Variants in SIN3A observed in about 807,000 individuals in gnomAD.
The protein encoded by SIN3A is SIN3 transcription regulator family member A.
Under a neutral mutation model 146.1 loss-of-function variants are expected in SIN3A, and 14 were observed. That is an observed-to-expected ratio of 0.10 (90% CI 0.06 to 0.15). SIN3A has a LOEUF of 0.15. SIN3A is among the 10% of genes least tolerant of loss of function. The pLI is 1.00. For synonymous variants in SIN3A, 572 were observed against 572.0 expected (o/e 1.00, Z 0.00); for missense variants, 1,028 against 1,576.0 (o/e 0.65, Z 5.89).
chr15:75,413,181 T>C (rs1424473355), intron 4 of SIN3A, 136 bp from the exon 5 acceptor site: 7 of 785,898 alleles, frequency 8.9e-6, no homozygotes, highest in Non-Finnish European at 1.3e-5. Flanking sequence ...GGTGCAATCT[T>C]GGGGTCTTGG....
upstream of SIN3A, chr15:75,453,255 A>T (rs1275541822): frequency 1.3e-5 from 2 of 152,452 alleles, no homozygotes; most frequent in African/African-American, 4.8e-5. Context: ...GAGCCGCGAA[A>T]CCACAGCAGC....
rs369396162 is a variant in SIN3A, at chr15:75,392,754, G to A, written c.2339C>T (p.Ala780Val). The A allele has an allele frequency of 1.7e-5, 28 of 1,614,002 alleles. No individual in the cohort carries two copies. The highest frequency in any genetic ancestry group is 1.2e-4 in the African/African-American group (9 of 75,024). ...TTCCAGTATTTGTTTGTCTTCATAC[G>A]CAAGTGAGAGGTGTGGGCCAACAGG... Reference protein sequence around the residue: ...GVPVGPHLSLAYEDKQILEDA... With the variant: ...GVPVGPHLSLVYEDKQILEDA... The change falls in exon 15 of 21, where the codon GCG (alanine) becomes GTG (valine). Residue 780 changes from alanine to valine, a missense_variant. Transcript: ENST00000394947.
chr15:75,380,859 A>G, intron 18 of SIN3A, 136 bp from the exon 19 acceptor site: 1 of 647,020 alleles, frequency 1.5e-6, no homozygotes, highest in Admixed American at 2.3e-5. Flanking sequence ...CCCTTTCTAT[A>G]AAGACATGAT....
chr15:75,376,843 G>C (rs1204581131), intron 19 of SIN3A, among the ~76,000 whole-genome samples: 1 of 137,344 alleles, frequency 7.3e-6, no homozygotes, highest in Non-Finnish European at 1.5e-5. Context: ...CTGGGACACA[G>C]AGCCAGACAC....
intron 17 of SIN3A, among the ~76,000 whole-genome samples, chr15:75,383,002 G>C (rs2073003339): frequency 6.6e-6 from 1 of 151,998 alleles, no homozygotes; most frequent in Admixed American, 6.5e-5. Flanking sequence ...CAGGAGAACT[G>C]CTTGAACCCA....
chr15:75,437,096 AC>A (rs1422834854), intron 1 of SIN3A, among the ~76,000 whole-genome samples: 2 of 151,996 alleles, frequency 1.3e-5, no homozygotes, highest in Non-Finnish European at 2.9e-5. Context: ...CTCCCCGACA[AC>A]AGCCAAGTCT....
At chr15:75,433,582 T>C (rs2074051867) in intron 1 of SIN3A, among the ~76,000 whole-genome samples, 1 of 151,646 alleles carries the variant, frequency 6.6e-6, no homozygotes, top group Non-Finnish European at 1.5e-5. Context: ...AGGCCGGGCG[T>C]GGTGGCTCAC....
intron 9 of SIN3A, among the ~76,000 whole-genome samples, chr15:75,402,713 C>A (rs1232430293): frequency 6.6e-6 from 1 of 152,104 alleles, no homozygotes; most frequent in East Asian, 1.9e-4. Flanking sequence ...CAGCTCACTG[C>A]AACCTCTGCC....
At chr15:75,414,917 T>C (rs2073705512) in intron 3 of SIN3A, among the ~76,000 whole-genome samples, 1 of 152,170 alleles carries the variant, frequency 6.6e-6, no homozygotes, top group Admixed American at 6.6e-5. Flanking sequence ...ATGGGATATT[T>C]AGAAATCTGA....
At chr15:75,423,699 T>A (rs189361949) in intron 2 of SIN3A, among the ~76,000 whole-genome samples, 16 of 151,460 alleles carry the variant, frequency 1.1e-4, no homozygotes, top group African/African-American at 1.7e-4. Flanking sequence ...AACAAAAAAA[T>A]ATATATATAG....
At chr15:75,450,757 C>G (rs1040176432) in intron 1 of SIN3A, among the ~76,000 whole-genome samples, 4 of 152,262 alleles carry the variant, frequency 2.6e-5, no homozygotes, top group African/African-American at 9.6e-5. Flanking sequence ...GTGCCCCTCC[C>G]TCCCCACGGA....
chr15:75,407,358 G>C (rs56105324), intron 8 of SIN3A, among the ~76,000 whole-genome samples: 3,687 of 152,112 alleles, frequency 0.024, 160 homozygotes, highest in African/African-American at 0.085. Context: ...CTACAACAGA[G>C]GTTCAAAGAT....
At chr15:75,380,881 A>G in intron 18 of SIN3A, 158 bp from the exon 19 acceptor site, 1 of 583,822 alleles carries the variant, frequency 1.7e-6, no homozygotes, top group Non-Finnish European at 3.1e-6. Flanking sequence ...GTTAGTAGGT[A>G]TTGGAACACG....
At chr15:75,431,871 G>T (rs1403657025) in intron 1 of SIN3A, among the ~76,000 whole-genome samples, 2 of 152,128 alleles carry the variant, frequency 1.3e-5, no homozygotes, top group Non-Finnish European at 2.9e-5. Flanking sequence ...ACATACCTAA[G>T]TGGGACCCTG....
chr15:75,404,902 C>T (rs912045600), intron 9 of SIN3A, among the ~76,000 whole-genome samples: 3 of 151,502 alleles, frequency 2.0e-5, no homozygotes, highest in Non-Finnish European at 4.4e-5. Context: ...AAGGCAAATG[C>T]TGAGGCCGAA....
intron 9 of SIN3A, among the ~76,000 whole-genome samples, chr15:75,403,970 T>C (rs1024508437): frequency 1.3e-5 from 2 of 152,230 alleles, no homozygotes; most frequent in Admixed American, 6.5e-5. Context: ...TCTTCCTCTA[T>C]TTACAATATT....
chr15:75,409,300 T>A (rs2073581300), intron 8 of SIN3A, among the ~76,000 whole-genome samples: 1 of 152,028 alleles, frequency 6.6e-6, no homozygotes, highest in Non-Finnish European at 1.5e-5. Context: ...GGAGAGATAA[T>A]AAAGAACTCA....
intron 6 of SIN3A, 70 bp from the exon 7 acceptor site, chr15:75,410,356 T>C: frequency 1.4e-6 from 2 of 1,445,708 alleles, no homozygotes; most frequent in Non-Finnish European, 1.9e-6. Flanking sequence ...GCACGCTTTC[T>C]GGAATCACTG....
At chr15:75,454,677 A>ACGCCCG (rs1228850200), upstream of SIN3A, among the ~76,000 whole-genome samples, 3 of 149,524 alleles carry the variant, frequency 2.0e-5, no homozygotes, top group Admixed American at 6.6e-5. Context: ...GGGCGCGCAC[A>ACGCCCG]CGCCCGCGCC....
Sources: allele counts gnomAD v4.1 joint callset (sites outside exome capture counted in the v4.1 genomes callset), GRCh38; gene constraint gnomAD v4.1.1; transcripts MANE v1.5; gene names NCBI Gene and HGNC (gene_info 2026-07-23, HGNC 2026-07-21).